The following NPIPB4 variants were observed in gnomAD, a reference collection of about 807,000 sequenced individuals.
NPIPB4 encodes nuclear pore complex-interacting protein family member B4.
For missense variants in NPIPB4, 105 were observed against 513.7 expected (o/e 0.20, Z 7.69); for synonymous variants, 31 against 194.1 (o/e 0.16, Z 6.99).
At chr16:21,850,506 A>C (rs1902420094) in intron 2 of NPIPB4, among the ~76,000 whole-genome samples, 1 of 151,820 alleles carries the variant, frequency 6.6e-6, no homozygotes, top group Non-Finnish European at 1.5e-5. Context: ...AAAATTAGCC[A>C]GGCGTGGTGG....
intron 5 of NPIPB4, among the ~76,000 whole-genome samples, chr16:21,843,120 C>G (rs1374234919): frequency 1.8e-5 from 2 of 113,162 alleles, no homozygotes; most frequent in East Asian, 5.7e-4. Context: ...AAAGCTCCAT[C>G]TCAGGAAAAA....
At chr16:21,850,390 C>T (rs1208970634) in intron 2 of NPIPB4, among the ~76,000 whole-genome samples, 5 of 151,384 alleles carry the variant, frequency 3.3e-5, no homozygotes, top group African/African-American at 7.3e-5. Context: ...CGGTGGCTCA[C>T]GCCTGTAATC....
chr16:21,851,258 G>GGGAGGGGAGGA (rs1902494701), intron 2 of NPIPB4: 1 of 11,496 alleles, frequency 8.7e-5, no homozygotes, highest in African/African-American at 9.1e-4. Flanking sequence ...ATCTGAGTTG[G>GGGAGGGGAGGA]GGAGGGGAGG....
chr16:21,850,322 G>A (rs1182342651), intron 2 of NPIPB4, among the ~76,000 whole-genome samples: 6 of 149,130 alleles, frequency 4.0e-5, no homozygotes, highest in African/African-American at 1.2e-4. Flanking sequence ...TTATGCTGGT[G>A]TATGTACTTT....
intron 2 of NPIPB4, among the ~76,000 whole-genome samples, chr16:21,850,585 T>C (rs1473650343): frequency 1.4e-5 from 2 of 141,084 alleles, no homozygotes; most frequent in East Asian, 2.1e-4. Flanking sequence ...GGCAGGACAA[T>C]TGCTTGAACC....
At chr16:21,850,670 TAAAAA>T (rs1222161652) in intron 2 of NPIPB4, among the ~76,000 whole-genome samples, 4 of 4,184 alleles carry the variant, frequency 9.6e-4, no homozygotes, top group Admixed American at 5.8e-3. Flanking sequence ...AGACTCTGTC[TAAAAA>T]AAAAAAAAAA....
rs545505859 is a variant in NPIPB4 at position 21,837,376 on chromosome 16, A to G, written c.1011T>C (p.Asp337=). The change falls in exon 8 of 8, where the codon GAT becomes GAC. Residue 337 remains aspartate (D), a synonymous_variant. Coordinates refer to ENST00000682606, the MANE Select transcript of NPIPB4 (RefSeq NM_001384980.1). ...GACACTCGGGAGGTGTCTTGAGTTT[A>G]TCATCCGCTGAGGGTGGAAGGGGAG... ...LLTPLPPSAD[D]KLKTPPECLL... is the part of the protein sequence containing the mutation. 574 of 1,338,988 alleles carry G rather than the reference A, an allele frequency of 4.3e-4. 198 individuals are homozygous for G. In the South Asian group the frequency reaches 8.7e-3, roughly 20 times the overall value. The allele number at this position is 1,338,988 out of a possible 1,614,324, so 82.9% of individuals were successfully genotyped here.
chr16:21,840,459 A>G (rs1301955856), intron 5 of NPIPB4, among the ~76,000 whole-genome samples: 135 of 147,364 alleles, frequency 9.2e-4, no homozygotes, highest in Non-Finnish European at 1.7e-3. Context: ...ATGCACACAC[A>G]TGATCCACCA....
intron 2 of NPIPB4, among the ~76,000 whole-genome samples, chr16:21,850,117 TG>T (rs1902365585): frequency 8.8e-6 from 1 of 113,412 alleles, no homozygotes; most frequent in African/African-American, 3.1e-5. Flanking sequence ...CAAAATTAGC[TG>T]GGAGTGGTGC....
chr16:21,850,776 G>A (rs1211324202), intron 2 of NPIPB4, among the ~76,000 whole-genome samples: 3 of 69,514 alleles, frequency 4.3e-5, no homozygotes, highest in Middle Eastern at 4.4e-3. Context: ...AGAGTGCAGC[G>A]GGGCCATCTC....
Position 21,843,784 on chromosome 16 carries a change from G to T in NPIPB4, c.259C>A (p.Leu87Met), listed in dbSNP as rs1597914813. 1 of 739,054 alleles carries T rather than the reference G, an allele frequency of 1.4e-6. No homozygotes were observed. Among genetic ancestry groups the T allele is most frequent in the South Asian group, 1.7e-5 (1 of 58,410 alleles). The allele number at this position is 739,054 out of a possible 1,614,324, so 45.8% of individuals were successfully genotyped here. A position where few individuals can be genotyped will look rare whatever the true frequency, so the allele number is the denominator to read the frequency against. The change falls in exon 4 of 8, where the codon CTG becomes ATG. Residue 87 changes from leucine to methionine, a missense_variant. Coordinates refer to ENST00000682606, the MANE Select transcript of NPIPB4 (RefSeq NM_001384980.1). ...LWIVYLWVSLLKTIFWSRNGH... is the reference protein window; with the variant it reads ...LWIVYLWVSLMKTIFWSRNGH... The stretch of plus-strand genomic sequence containing the variant: ...TTTCGAGACCAGAAGATAGTCTTCA[G>T]GAGAGACACCTAGGAAATAATAATA...
chr16:21,856,285 A>G lies in NPIPB4; in HGVS notation c.120+974T>C, dbSNP rs1470159304. On this transcript the variant is annotated intron_variant, in intron 2 of 7. Transcript: ENST00000682606. The stretch of plus-strand genomic sequence containing the variant: ...AGAGTGAAACTCTGTCTCAAAAAAT[A>G]TGTGTGTGTGTGTGTGTGTGTGTGT... Among the ~76,000 whole-genome samples the G allele has an allele frequency of 3.3e-3, 50 of 14,970 alleles. 11 individuals carry two copies. Among genetic ancestry groups the G allele is most frequent in the Admixed American group, 5.1e-3 (7 of 1,360 alleles). 9.8% of individuals were successfully genotyped at this position (14,970 alleles called of 152,430 possible).
At chr16:21,841,908 T>A (rs538540745) in intron 5 of NPIPB4, among the ~76,000 whole-genome samples, 2 of 151,598 alleles carry the variant, frequency 1.3e-5, no homozygotes, top group Admixed American at 6.6e-5. Flanking sequence ...CGACCCATAC[T>A]GAAGTCCGCT....
chr16:21,842,042 A>G (rs1203514180), intron 5 of NPIPB4, among the ~76,000 whole-genome samples: 1 of 151,276 alleles, frequency 6.6e-6, no homozygotes, highest in Admixed American at 6.6e-5. Context: ...AGGACCCCTG[A>G]CCATCCCCCA....
intron 2 of NPIPB4, chr16:21,851,226 AGGGGAC>A (rs1902485692): frequency 6.0e-6 from 1 of 167,028 alleles, no homozygotes; most frequent in Non-Finnish European, 1.0e-5. Flanking sequence ...GGGGGAGGGA[AGGGGAC>A]GGGGACCGGG....
intron 2 of NPIPB4, among the ~76,000 whole-genome samples, chr16:21,850,603 C>A (rs1288825280): frequency 8.6e-6 from 1 of 116,122 alleles, no homozygotes; most frequent in Non-Finnish European, 1.7e-5. Context: ...ACCCCAGAAG[C>A]GGAGGTTGCA....
rs556124706 is a variant in NPIPB4, at chr16:21,837,320, G to A, written c.1067C>T (p.Pro356Leu). The A allele has an allele frequency of 1.3e-3, 1,737 of 1,315,834 alleles. 288 individuals carry two copies. The highest frequency in any genetic ancestry group is 2.5e-3 in the Middle Eastern group (8 of 3,222). The allele number at this position is 1,315,834 out of a possible 1,614,324, so 81.5% of individuals were successfully genotyped here. ...LLTPLPPSAL[P>L]SAPPSADDNL... ...ATCATCCGCTGAGGGTGGAGCTGAG[G>A]GTAGAGCTGAGGGTGGAAGGGGAGT... Residue 356 changes from proline (P) to leucine (L), a missense_variant, in exon 8 of 8, where the codon CCC (proline) becomes CTC (leucine). Transcript: ENST00000682606.
intron 2 of NPIPB4, among the ~76,000 whole-genome samples, chr16:21,850,438 C>G (rs1206978553): frequency 6.6e-6 from 1 of 151,948 alleles, no homozygotes; most frequent in African/African-American, 2.4e-5. Context: ...ATCACGAGGT[C>G]AAGAGATGGA....
At chr16:21,842,118 A>AT (rs1303791736) in intron 5 of NPIPB4, among the ~76,000 whole-genome samples, 9 of 147,216 alleles carry the variant, frequency 6.1e-5, no homozygotes, top group Admixed American at 2.7e-4. Context: ...ATTGCTAAAC[A>AT]TTTTTTAACA....
Sources: allele counts gnomAD v4.1 joint callset (sites outside exome capture counted in the v4.1 genomes callset), GRCh38; gene constraint gnomAD v4.1.1; transcripts MANE v1.5; gene names NCBI Gene and HGNC (gene_info 2026-07-23, HGNC 2026-07-21).